The following SRSF11 variants were observed in gnomAD, a reference collection of about 807,000 sequenced individuals.
SRSF11 encodes serine and arginine rich splicing factor 11.
In SRSF11, 9 loss-of-function variants were observed where a neutral mutation model predicts 56.0. That is an observed-to-expected ratio of 0.16 (90% CI 0.10 to 0.28). The LOEUF (loss-of-function observed/expected upper bound fraction) is 0.28, where lower values mean the gene tolerates loss of function less well. SRSF11 is among the 10% of genes least tolerant of loss of function. The pLI is 1.00. For missense variants in SRSF11, 421 were observed against 600.7 expected (o/e 0.70, Z 3.13); for synonymous variants, 222 against 215.3 (o/e 1.03, Z -0.27).
intron 2 of SRSF11, chr1:70,229,266 A>C: frequency 7.8e-7 from 1 of 1,289,382 alleles, no homozygotes; most frequent in Non-Finnish European, 1.0e-6. Flanking sequence ...GGTCCTCTGC[A>C]GCTACAGGGG....
chr1:70,239,513 A>G lies in SRSF11; in HGVS notation c.793A>G (p.Arg265Gly). The G allele has an allele frequency of 6.2e-7, 1 of 1,603,584 alleles. No homozygotes were observed. Among genetic ancestry groups the G allele is most frequent in the South Asian group, 1.1e-5 (1 of 88,980 alleles). The part of the protein sequence containing the change: ...SRRRRTPSSS[R>G]HRRSRSRSRR... The stretch of plus-strand genomic sequence containing the variant: ...GAGGAGGAGGACTCCCTCATCTTCT[A>G]GACACAGGTTAGATTGCTTTTTAGT... The change falls in exon 7 of 12, where the codon AGA becomes GGA. Residue 265 changes from arginine (R) to glycine (G), a missense_variant. Around this residue, in one of 2 missense-constraint regions of SRSF11, gnomAD observed 253 missense variants for 305.8 expected, o/e 0.83. Coordinates refer to ENST00000370949, the MANE Select transcript of SRSF11 (RefSeq NM_001350605.2).
chr1:70,237,640 G>A (rs184501239), intron 6 of SRSF11, 88 bp downstream of exon 6: 23 of 1,538,524 alleles, frequency 1.5e-5, no homozygotes, highest in Non-Finnish European at 1.8e-5. Flanking sequence ...TGACACCCTA[G>A]TCGTTTAAAA....
rs1199414844 is a variant in SRSF11 at position 70,252,269 on chromosome 1, G to T, written c.*1464G>T. 2 of 152,072 alleles carry T rather than the reference G, an allele frequency of 1.3e-5. No individual in the cohort carries two copies. Among genetic ancestry groups the T allele is most frequent in the Admixed American group, 6.6e-5 (1 of 15,264 alleles). 9.4% of individuals were successfully genotyped at this position (152,072 alleles called of 1,614,324 possible). On this transcript the variant is annotated 3_prime_UTR_variant, in exon 12 of 12. Coordinates refer to ENST00000370949, the MANE Select transcript of SRSF11 (RefSeq NM_001350605.2). Reference sequence around the variant, plus strand: ...GGGTTGGATAAAGCAATGAACTTTAGTATAAACAAATCCCACCTATATCTA... The same window carrying T: ...GGGTTGGATAAAGCAATGAACTTTATTATAAACAAATCCCACCTATATCTA...
chr1:70,250,926 T>C lies in SRSF11; in HGVS notation c.*121T>C, dbSNP rs539991375. ...GTATACAGCTCTGAGTTATAAATGGTTATAAAGCTCCTGTTACTCATATTA... is the reference window on the plus strand; with the variant it reads ...GTATACAGCTCTGAGTTATAAATGGCTATAAAGCTCCTGTTACTCATATTA... On this transcript the variant is annotated 3_prime_UTR_variant, in exon 12 of 12. Coordinates refer to ENST00000370949, the MANE Select transcript of SRSF11 (RefSeq NM_001350605.2). The C allele has an allele frequency of 1.9e-4, 161 of 833,270 alleles. 1 individual carries two copies. The African/African-American group carries it at 2.4e-3, about 12-fold the overall frequency. The allele number at this position is 833,270 out of a possible 1,614,324, so 51.6% of individuals were successfully genotyped here. A position where few individuals can be genotyped will look rare whatever the true frequency, so the allele number is the denominator to read the frequency against.
Position 70,250,039 on chromosome 1 carries a change from C to G in SRSF11, c.1110C>G (p.Ser370=), listed in dbSNP as rs550928535. 1.2e-5 allele frequency: 19 copies of G among 1,610,898 alleles called. No individual in the cohort carries two copies. The highest frequency in any genetic ancestry group is 1.6e-5 in the Non-Finnish European group (19 of 1,177,698). The change falls in exon 10 of 12, where the codon TCC becomes TCG. Residue 370 remains serine, a synonymous_variant. Transcript: ENST00000370949. The part of the protein sequence containing the change: ...SPKRKLSRSP[S]PRRHKKEKKK... ...AAAGAAAATTGTCCCGCTCACCATC[C>G]CCTAGGAGGTAAGAATGTTAATCAT...
chr1:70,249,991 T>A lies in SRSF11; in HGVS notation c.1062T>A (p.Ser354=), dbSNP rs756327377. Reference sequence around the variant, plus strand: ...GAAGAAGCAGGAGTGGCACAAGATCTCCTAAAAAGCCTCGGTCTCCTAAAA... The same window carrying A: ...GAAGAAGCAGGAGTGGCACAAGATCACCTAAAAAGCCTCGGTCTCCTAAAA... The part of the protein sequence containing the change: ...RRRRSRSGTR[S]PKKPRSPKRK... Residue 354 remains serine (S), a synonymous_variant, in exon 10 of 12, where the codon TCT becomes TCA. Coordinates refer to ENST00000370949, the MANE Select transcript of SRSF11 (RefSeq NM_001350605.2). The A allele has an allele frequency of 1.2e-6, 2 of 1,614,002 alleles. No individual in the cohort carries two copies. The highest frequency in any genetic ancestry group is 2.7e-5 in the African/African-American group (2 of 74,922).
intron 2 of SRSF11, chr1:70,229,506 T>C: frequency 2.0e-6 from 2 of 985,120 alleles, no homozygotes; most frequent in Non-Finnish European, 2.4e-6. Flanking sequence ...TTGTTCCCAA[T>C]GTACTGCTAC....
At chr1:70,228,820 C>G (rs899532473) in intron 2 of SRSF11, 23 of 1,120,486 alleles carry the variant, frequency 2.1e-5, no homozygotes, top group Non-Finnish European at 2.4e-5. Flanking sequence ...TTGTAACTCC[C>G]TGAGATACAT....
intron 1 of SRSF11, among the ~76,000 whole-genome samples, chr1:70,225,494 C>G (rs1384144992): frequency 6.6e-6 from 1 of 152,146 alleles, no homozygotes; most frequent in Non-Finnish European, 1.5e-5. Context: ...TCGAAATTCT[C>G]CACTTAGCAC....
At chr1:70,218,533 G>A (rs1670224723), upstream of SRSF11, 1 of 152,056 alleles carries the variant, frequency 6.6e-6, no homozygotes, top group Non-Finnish European at 1.5e-5. Flanking sequence ...ATTATGAAAT[G>A]TGTCAAACAT....
chr1:70,249,375 A>T (rs541954211), intron 9 of SRSF11: 2 of 152,498 alleles, frequency 1.3e-5, no homozygotes, highest in South Asian at 4.1e-4. Flanking sequence ...CCCCTCTCGC[A>T]TTAGTTTTGT....
At chr1:70,239,399 A>G (rs367889596) in intron 6 of SRSF11, 40 bp from the exon 7 acceptor site, 1 of 1,467,190 alleles carries the variant, frequency 6.8e-7, no homozygotes. Context: ...GCCCCTATTT[A>G]ATAACTTCTA....
At chr1:70,248,727 T>C (rs906751319) in intron 9 of SRSF11, 5 of 152,124 alleles carry the variant, frequency 3.3e-5, no homozygotes, top group African/African-American at 1.2e-4. Context: ...TGCTGTATTA[T>C]TGGATCACTC....
chr1:70,239,424 T>C lies in SRSF11; in HGVS notation c.719-15T>C. The C allele has an allele frequency of 6.3e-7, 1 of 1,582,608 alleles. No homozygotes were observed. Among genetic ancestry groups the C allele is most frequent in the Non-Finnish European group, 8.6e-7 (1 of 1,164,330 alleles). On this transcript the variant is annotated splice_polypyrimidine_tract_variant and intron_variant, in intron 6 of 11. Coordinates refer to ENST00000370949, the MANE Select transcript of SRSF11 (RefSeq NM_001350605.2). ...AATAACTTCTAAATGCAGGTTCCTT[T>C]TCTTTTAAATATAGATAAGAAAGAA...
upstream of SRSF11, chr1:70,221,369 T>A (rs1670554555): frequency 8.5e-6 from 4 of 470,864 alleles, no homozygotes; most frequent in Non-Finnish European, 1.5e-5. Context: ...TTGTGGGAGC[T>A]CGGGCCCGCT....
chr1:70,242,585 C>A (rs990434885), intron 7 of SRSF11, among the ~76,000 whole-genome samples: 1 of 151,692 alleles, frequency 6.6e-6, no homozygotes, highest in Non-Finnish European at 1.5e-5. Context: ...GTGACAGATA[C>A]AAGCCACTGA....
At chr1:70,237,347 T>C in intron 5 of SRSF11, 78 bp from the exon 6 acceptor site, 5 of 1,563,568 alleles carry the variant, frequency 3.2e-6, no homozygotes, top group Non-Finnish European at 4.3e-6. Flanking sequence ...AAAATAATGT[T>C]ATATACTTAA....
chr1:70,221,611 G>GC lies in SRSF11; in HGVS notation c.-25dup. 1 of 1,599,034 alleles carries GC rather than the reference G, an allele frequency of 6.3e-7. No individual in the cohort carries two copies. The highest frequency in any genetic ancestry group is 8.5e-7 in the Non-Finnish European group (1 of 1,172,712). ...TTTGTTGTGTGTTTGATGTGTTAAA[G>GC]CAGGAGCGAGAACCCGAGCAGCGCC... On this transcript the variant is annotated 5_prime_UTR_variant, in exon 1 of 12. Transcript: ENST00000370949.
intron 7 of SRSF11, among the ~76,000 whole-genome samples, chr1:70,240,524 G>T (rs552198949): frequency 1.8e-4 from 27 of 152,286 alleles, no homozygotes; most frequent in Non-Finnish European, 2.2e-4. Flanking sequence ...CCCCATAAAA[G>T]GGTCTTAGAG....
Sources: gnomAD v4.1 joint callset for allele counts (sites outside exome capture counted in the v4.1 genomes callset) on GRCh38, gnomAD v4.1.1 for gene constraint, gnomAD v4.1.1 regional missense constraint, MANE v1.5 for transcripts, NCBI Gene and HGNC (gene_info 2026-07-23, HGNC 2026-07-21) for gene names.